The following CIT variants were observed in gnomAD, a reference collection of about 807,000 sequenced individuals.
CIT encodes citron Rho-interacting kinase.
In CIT, 79 loss-of-function variants were observed where a neutral mutation model predicts 272.7. The ratio of observed to expected loss-of-function variants is 0.29; its 90% CI spans 0.24 to 0.35. The LOEUF is 0.35. Among genes scored for constraint, CIT ranks in the 10% least tolerant of loss-of-function variants. CIT has a pLI of 1.00. For synonymous variants in CIT, 948 were observed against 995.6 expected (o/e 0.95, Z 0.90); for missense variants, 1,909 against 2,618.3 (o/e 0.73, Z 5.91).
Position 119,735,157 on chromosome 12 carries a change from T to C in CIT, c.3156+3A>G. On this transcript the variant is annotated splice_donor_region_variant and intron_variant, in intron 25 of 47. Coordinates refer to ENST00000392521, the MANE Select transcript of CIT (RefSeq NM_001206999.2). The stretch of plus-strand genomic sequence containing the variant: ...ATCTCACGACCTTGTTAACCCTCCT[T>C]ACTTGCTTCTGGCTGGTAAGCTGCA... 1 of 1,613,526 alleles carries C rather than the reference T, an allele frequency of 6.2e-7. No homozygotes were observed. The highest frequency in any genetic ancestry group is 8.5e-7 in the Non-Finnish European group (1 of 1,179,918).
intron 5 of CIT, among the ~76,000 whole-genome samples, chr12:119,840,811 A>G (rs1593920258): frequency 6.6e-6 from 1 of 152,350 alleles, no homozygotes; most frequent in Non-Finnish European, 1.5e-5. Context: ...AGATCAAAAC[A>G]GCACATGTCT....
chr12:119,691,837 C>T lies in CIT; in HGVS notation c.5883-1383G>A, dbSNP rs147093264. On this transcript the variant is annotated intron_variant, in intron 46 of 47. Transcript: ENST00000392521. ...TGATCAGCTCTAAAAGTACTAGGGTCCCTATTATCTCAGCATAATTTGTGC... is the reference window on the plus strand; with the variant it reads ...TGATCAGCTCTAAAAGTACTAGGGTTCCTATTATCTCAGCATAATTTGTGC... Among the ~76,000 whole-genome samples, 95 of 152,236 alleles carry T rather than the reference C, an allele frequency of 6.2e-4. No individual in the cohort carries two copies. In the East Asian group the frequency reaches 0.014, roughly 23 times the overall value.
intron 4 of CIT, among the ~76,000 whole-genome samples, chr12:119,850,516 G>GAAAA (rs1970151182): frequency 6.7e-6 from 1 of 149,982 alleles, no homozygotes; most frequent in African/African-American, 2.5e-5. Context: ...GGGAAGGGAA[G>GAAAA]GGGAAGGGAA....
At chr12:119,737,168 G>A (rs540174125) in intron 24 of CIT, among the ~76,000 whole-genome samples, 3 of 151,922 alleles carry the variant, frequency 2.0e-5, no homozygotes, top group Admixed American at 1.3e-4. Context: ...TTAACCAGGC[G>A]TGGTGGCGGG....
At chr12:119,845,403 A>G (rs532122967) in intron 5 of CIT, among the ~76,000 whole-genome samples, 1 of 152,258 alleles carries the variant, frequency 6.6e-6, no homozygotes, top group African/African-American at 2.4e-5. Context: ...CTGTAATTCC[A>G]TCACTCTGGG....
intron 10 of CIT, among the ~76,000 whole-genome samples, chr12:119,786,027 T>G (rs1190368718): frequency 6.6e-6 from 1 of 152,218 alleles, no homozygotes; most frequent in African/African-American, 2.4e-5. Context: ...GTTTGAACGC[T>G]AGATATATTT....
intron 9 of CIT, among the ~76,000 whole-genome samples, chr12:119,815,075 C>T (rs1288974861): frequency 2.2e-5 from 3 of 135,646 alleles, no homozygotes; most frequent in South Asian, 2.5e-4. Flanking sequence ...CGAATATGTG[C>T]GTGCTCACAT....
intron 2 of CIT, among the ~76,000 whole-genome samples, chr12:119,875,646 A>C (rs1950819786): frequency 6.6e-6 from 1 of 152,178 alleles, no homozygotes; most frequent in African/African-American, 2.4e-5. Flanking sequence ...CCTTGTTTCA[A>C]ACAAAACAAA....
At chr12:119,726,534 C>A (rs1053035881) in intron 28 of CIT, among the ~76,000 whole-genome samples, 1 of 151,740 alleles carries the variant, frequency 6.6e-6, no homozygotes, top group Non-Finnish European at 1.5e-5. Flanking sequence ...TTATACTCAC[C>A]CGCAAAAATG....
chr12:119,773,001 TTAAA>T, intron 16 of CIT, 91 bp from the exon 17 acceptor site: 1 of 1,069,866 alleles, frequency 9.3e-7, no homozygotes, highest in South Asian at 3.1e-5. Context: ...ATCCCAGAAC[TTAAA>T]GTATAATCTA....
chr12:119,772,309 C>T (rs1030700247), intron 17 of CIT, among the ~76,000 whole-genome samples: 1 of 152,044 alleles, frequency 6.6e-6, no homozygotes, highest in Non-Finnish European at 1.5e-5. Flanking sequence ...ATTTCAACAA[C>T]AACAACAACA....
intron 3 of CIT, among the ~76,000 whole-genome samples, chr12:119,858,148 C>A (rs1213528323): frequency 6.6e-6 from 1 of 152,104 alleles, no homozygotes; most frequent in African/African-American, 2.4e-5. Flanking sequence ...TAGTTTTATC[C>A]CACTAGCCCA....
chr12:119,788,885 A>C (rs537798228), intron 10 of CIT, among the ~76,000 whole-genome samples: 4 of 152,354 alleles, frequency 2.6e-5, no homozygotes, highest in South Asian at 4.1e-4. Context: ...GGTGCTAAAG[A>C]AATCTTTTTC....
chr12:119,717,838 C>CTTTTTT lies in CIT; in HGVS notation c.4168+401_4168+406dup, dbSNP rs10699099. ...GGGGAGCCAGGAGACTGACTTCTTT[C>CTTTTTT]TTTTTTTTTTTTTTTTTTTTGAGAT... On this transcript the variant is annotated intron_variant, in intron 32 of 47. Coordinates refer to ENST00000392521, the MANE Select transcript of CIT (RefSeq NM_001206999.2). 5.9e-3 allele frequency among the ~76,000 whole-genome samples: 482 copies of CTTTTTT among 81,312 alleles called. 80 individuals carry two copies. Among genetic ancestry groups the CTTTTTT allele is most frequent in the Non-Finnish European group, 8.8e-3 (388 of 44,292 alleles). 53.3% of individuals were successfully genotyped at this position (81,312 alleles called of 152,430 possible).
intron 20 of CIT, among the ~76,000 whole-genome samples, chr12:119,760,557 T>C (rs1303088288): frequency 6.6e-6 from 1 of 151,398 alleles, no homozygotes; most frequent in Non-Finnish European, 1.5e-5. Context: ...AGCCCAGGAG[T>C]TGGAGGCTGC....
rs1956117853 is a variant in CIT at position 119,694,438 on chromosome 12, A to G, written c.5882+3221T>C. On this transcript the variant is annotated intron_variant, in intron 46 of 47. Coordinates refer to ENST00000392521, the MANE Select transcript of CIT (RefSeq NM_001206999.2). The surrounding 1 kb of genome is among the most constrained non-coding windows in gnomAD (Gnocchi z 4.5). The stretch of plus-strand genomic sequence containing the variant: ...AAATGAATGAATAACTACTTCTCAC[A>G]CTGACACGGAGCAATCGCCAAGACA... Among the ~76,000 whole-genome samples the G allele has an allele frequency of 6.6e-6, 1 of 152,226 alleles. No homozygotes were observed. Among genetic ancestry groups the G allele is most frequent in the Non-Finnish European group, 1.5e-5 (1 of 68,038 alleles).
rs199770489 is a variant in CIT at position 119,748,223 on chromosome 12, T to C, written c.2904+3827A>G. On this transcript the variant is annotated intron_variant, in intron 23 of 47. Transcript: ENST00000392521. ...AAACCCAGGAGTCCACAGATCCACT[T>C]TGGGAACCACTAACCTAGGAGTTGG... Among the ~76,000 whole-genome samples the C allele has an allele frequency of 1.2e-4, 18 of 152,180 alleles. No homozygotes were observed. In the East Asian group the frequency reaches 2.9e-3, roughly 24 times the overall value.
chr12:119,863,514 GT>G (rs200218533), intron 3 of CIT, among the ~76,000 whole-genome samples: 7,445 of 151,164 alleles, frequency 0.049, 333 homozygotes, highest in African/African-American at 0.12. Flanking sequence ...TAAAATAAAA[GT>G]TTTTTTTTGT....
Position 119,714,216 on chromosome 12 carries a change from G to A in CIT, c.4287C>T (p.Arg1429=), listed in dbSNP as rs541636870. The stretch of plus-strand genomic sequence containing the variant: ...TCTTACCGAGACATTTGGATGCCTG[G>A]CGTCCAAAGTGCACGGTATCCAGAC... The part of the protein sequence containing the change: ...AVCLDTVHFG[R]QASKCLECQV... Residue 1429 remains arginine, a synonymous_variant, in exon 33 of 48, where the codon CGC becomes CGT. Coordinates refer to ENST00000392521, the MANE Select transcript of CIT (RefSeq NM_001206999.2). 1 of 1,613,992 alleles carries A rather than the reference G, an allele frequency of 6.2e-7. No homozygotes were observed. The highest frequency in any genetic ancestry group is 8.5e-7 in the Non-Finnish European group (1 of 1,180,022).
Sources: allele counts gnomAD v4.1 joint callset (sites outside exome capture counted in the v4.1 genomes callset), GRCh38; gene constraint gnomAD v4.1.1; non-coding constraint Gnocchi (gnomAD v3.1); transcripts MANE v1.5; gene names NCBI Gene and HGNC (gene_info 2026-07-23, HGNC 2026-07-21).